The following CCDC186 variants were observed in gnomAD, a reference collection of about 807,000 sequenced individuals.
The protein encoded by CCDC186 is coiled-coil domain containing 186.
In CCDC186, 49 loss-of-function variants were observed where a neutral mutation model predicts 113.7. The ratio of observed to expected loss-of-function variants is 0.43; its 90% CI spans 0.34 to 0.55. The LOEUF is 0.55. Among genes scored for constraint, CCDC186 ranks in the 20% least tolerant of loss-of-function variants. CCDC186 has a pLI of 0.02. For missense variants in CCDC186, 890 were observed against 1,011.1 expected (o/e 0.88, Z 1.62); for synonymous variants, 355 against 345.8 (o/e 1.03, Z -0.30).
At chr10:114,128,263 A>G (rs2030976775) in intron 13 of CCDC186, among the ~76,000 whole-genome samples, 1 of 152,198 alleles carries the variant, frequency 6.6e-6, no homozygotes, top group Non-Finnish European at 1.5e-5. Context: ...TATTACTTTT[A>G]CCAACATCAA....
In CCDC186 at chr10:114,135,896, T is replaced by A; in HGVS notation, c.1507A>T (p.Thr503Ser). 1 of 1,605,182 alleles carries A rather than the reference T, an allele frequency of 6.2e-7. No individual in the cohort carries two copies. The highest frequency in any genetic ancestry group is 8.5e-7 in the Non-Finnish European group (1 of 1,172,780). The change falls in exon 9 of 16, where the codon ACA becomes TCA. Residue 503 changes from threonine (T) to serine (S), a missense_variant. Thr to Ser is a moderately conservative substitution (Grantham distance 58). Transcript: ENST00000369287. ...EGMDELRTLRTKVKCLEDERL... is the reference protein window; with the variant it reads ...EGMDELRTLRSKVKCLEDERL... ...ATGACTAAAGACTGAATTACCTTTG[T>A]TCTCAGTGTTCTTAACTCATCCATA...
At chr10:114,164,672 C>T (rs1404571391) in intron 1 of CCDC186, among the ~76,000 whole-genome samples, 1 of 151,998 alleles carries the variant, frequency 6.6e-6, no homozygotes, top group East Asian at 1.9e-4. Flanking sequence ...AGCAATAATT[C>T]CAGATAAGAG....
intron 3 of CCDC186, among the ~76,000 whole-genome samples, chr10:114,157,346 G>A (rs1347475872): frequency 2.0e-5 from 3 of 150,510 alleles, no homozygotes; most frequent in African/African-American, 7.3e-5. Context: ...ACCATATGCA[G>A]CTAATTTTCT....
At chr10:114,159,281 G>A (rs569176630) in intron 2 of CCDC186, among the ~76,000 whole-genome samples, 3 of 152,200 alleles carry the variant, frequency 2.0e-5, no homozygotes, top group Non-Finnish European at 4.4e-5. Flanking sequence ...TAGTTCACAA[G>A]TGAACAACAA....
Position 114,131,973 on chromosome 10 carries a change from A to T in CCDC186, c.1867T>A (p.Leu623Ile), listed in dbSNP as rs1222373782. Residue 623 changes from leucine (L) to isoleucine (I), a missense_variant, in exon 11 of 16, where the codon TTA (leucine) becomes ATA (isoleucine). By Grantham distance (5) the Leu-to-Ile change is conservative (BLOSUM62 2). Transcript: ENST00000369287. Reference sequence around the variant, plus strand: ...TTCATTTGTTCACACTGGCTTTGTAACTGACTTTCACTACAGGAAACTTTA... The same window carrying T: ...TTCATTTGTTCACACTGGCTTTGTATCTGACTTTCACTACAGGAAACTTTA... ...FDKVSCSESQ[L>I]QSQCEQMKQT... 4 of 1,612,330 alleles carry T rather than the reference A, an allele frequency of 2.5e-6. No homozygotes were observed. In the African/African-American group the frequency reaches 5.3e-5, roughly 22 times the overall value.
chr10:114,125,348 CTA>C (rs2030862356), intron 15 of CCDC186, 122 bp from the exon 16 acceptor site: 3 of 631,192 alleles, frequency 4.8e-6, no homozygotes, highest in African/African-American at 1.9e-5. Flanking sequence ...GTCCTAAATG[CTA>C]TGTCAGATAA....
intron 8 of CCDC186, 21 bp from the exon 9 acceptor site, chr10:114,135,998 A>C (rs199657554): frequency 1.3e-6 from 2 of 1,590,058 alleles, no homozygotes; most frequent in Admixed American, 3.3e-5. Flanking sequence ...GTTTAAAAGA[A>C]ACAACAAATC....
chr10:114,135,691 C>T (rs1041502579), intron 9 of CCDC186, among the ~76,000 whole-genome samples, 200 bp downstream of exon 9: 5 of 152,156 alleles, frequency 3.3e-5, no homozygotes, highest in African/African-American at 1.2e-4. Flanking sequence ...TTGGCAAACA[C>T]TTCAAAGGGA....
intron 4 of CCDC186, among the ~76,000 whole-genome samples, chr10:114,149,588 G>A (rs1221828485): frequency 1.0e-4 from 3 of 29,912 alleles, no homozygotes; most frequent in African/African-American, 5.1e-4. Context: ...GGAAGGGAAG[G>A]GAAGGGAAGG....
intron 6 of CCDC186, among the ~76,000 whole-genome samples, chr10:114,143,103 C>G (rs1449785168): frequency 6.6e-6 from 1 of 152,208 alleles, no homozygotes; most frequent in Admixed American, 6.5e-5. Flanking sequence ...TTTCTACATA[C>G]CAAGTCAATA....
intron 3 of CCDC186, among the ~76,000 whole-genome samples, chr10:114,156,874 AACTT>A (rs2032026090): frequency 6.6e-6 from 1 of 152,180 alleles, no homozygotes; most frequent in African/African-American, 2.4e-5. Context: ...CCAAAATATA[AACTT>A]AAAAACATCC....
At chr10:114,161,288 G>C (rs1207344248) in intron 2 of CCDC186, among the ~76,000 whole-genome samples, 1 of 152,114 alleles carries the variant, frequency 6.6e-6, no homozygotes, top group Non-Finnish European at 1.5e-5. Context: ...TTCTCTCTCT[G>C]CGCTTCAGGT....
At position 114,150,056 on chromosome 10, in the gene CCDC186, T is replaced by C. The variant is rs78598095; in HGVS notation, c.888+1036A>G. Reference sequence around the variant, plus strand: ...CAAGGAGTCAGCATGTTTTAAAGAATCATCCAAATAAAGGCTGAGGATAAT... The same window carrying C: ...CAAGGAGTCAGCATGTTTTAAAGAACCATCCAAATAAAGGCTGAGGATAAT... On this transcript the variant is annotated intron_variant, in intron 4 of 15. Transcript: ENST00000369287. Among the ~76,000 whole-genome samples the C allele has an allele frequency of 4.3e-3, 649 of 152,306 alleles. 4 individuals carry two copies. The highest frequency in any genetic ancestry group is 0.014 in the African/African-American group (601 of 41,560).
At position 114,151,083 on chromosome 10, in the gene CCDC186, G is replaced by A. The variant is rs373202100; in HGVS notation, c.888+9C>T. 3.1e-6 allele frequency: 5 copies of A among 1,606,870 alleles called. No individual in the cohort carries two copies. The Admixed American group carries it at 8.6e-5, about 28-fold the overall frequency. On this transcript the variant is annotated intron_variant, in intron 4 of 15. Coordinates refer to ENST00000369287, the MANE Select transcript of CCDC186 (RefSeq NM_018017.4). ...ATCAAGTTAATAATGACAACGATGT[G>A]AGAAATACCTGTTCCATCCGTTGGG...
chr10:114,162,528 T>C (rs2032203055), intron 2 of CCDC186, 109 bp downstream of exon 2: 1 of 793,280 alleles, frequency 1.3e-6, no homozygotes, highest in Non-Finnish European at 1.9e-6. Context: ...TGCATGATTC[T>C]AATGTGCAAG....
At chr10:114,165,676 C>A (rs992873295) in intron 1 of CCDC186, among the ~76,000 whole-genome samples, 1 of 151,860 alleles carries the variant, frequency 6.6e-6, no homozygotes, top group African/African-American at 2.4e-5. Flanking sequence ...GGCGACGGAG[C>A]GAGACTCTGT....
rs2031109613 is a variant in CCDC186 at position 114,132,155 on chromosome 10, T to C, written c.1685A>G (p.Glu562Gly). ...RGKQEIENLKEEVESLNSLIN... is the reference protein window; with the variant it reads ...RGKQEIENLKGEVESLNSLIN... ...CAAAGAATTAAGACTTTCCACTTCT[T>C]CTTTCAAATTTTCAATTTCTTGCTT... The change falls in exon 11 of 16, where the codon GAA (glutamate) becomes GGA (glycine). Residue 562 changes from glutamate to glycine, a missense_variant. Transcript: ENST00000369287. 6.2e-7 allele frequency: 1 copy of C among 1,600,834 alleles called. No homozygotes were observed. The highest frequency in any genetic ancestry group is 8.5e-7 in the Non-Finnish European group (1 of 1,174,024).
chr10:114,170,326 T>C (rs1462803020), intron 1 of CCDC186, among the ~76,000 whole-genome samples: 1 of 150,358 alleles, frequency 6.7e-6, no homozygotes, highest in Non-Finnish European at 1.5e-5. Context: ...AAGCTAACTT[T>C]TTATTATTAG....
At chr10:114,155,571 A>G (rs567675698) in intron 3 of CCDC186, among the ~76,000 whole-genome samples, 31 of 152,242 alleles carry the variant, frequency 2.0e-4, no homozygotes, top group African/African-American at 7.2e-4. Context: ...GCTTCTCAGG[A>G]GGCTGAGGCA....
Sources: allele counts gnomAD v4.1 joint callset (sites outside exome capture counted in the v4.1 genomes callset), GRCh38; gene constraint gnomAD v4.1.1; transcripts MANE v1.5; gene names NCBI Gene and HGNC (gene_info 2026-07-23, HGNC 2026-07-21).